Variants in CNTLN observed in about 807,000 individuals in gnomAD.
CNTLN encodes the protein centlein.
CNTLN carries 212 observed loss-of-function variants against 180.0 expected under a neutral mutation model. The observed-to-expected ratio is 1.18, with a 90% CI of 1.05 to 1.32. The LOEUF is 1.32. CNTLN is among the 40% of genes most tolerant of loss of function. CNTLN has a pLI of 0.00. For synonymous variants in CNTLN, 722 were observed against 563.1 expected, an observed-to-expected ratio of 1.28 and a Z score of -3.99; for missense variants, 2,095 against 1,610.9, an observed-to-expected ratio of 1.30 and a Z score of -5.14.
chr9:17,358,615 A>G (rs1823046935), intron 12 of CNTLN, among the ~76,000 whole-genome samples: 1 of 152,166 alleles, frequency 6.6e-6, no homozygotes. Context: ...TAGTTGTTAC[A>G]TTAATGTTGA....
chr9:17,451,019 T>C (rs1029234162), intron 18 of CNTLN, among the ~76,000 whole-genome samples: 3 of 152,182 alleles, frequency 2.0e-5, no homozygotes, highest in East Asian at 1.9e-4. Flanking sequence ...TAGAAAATGA[T>C]AGCATTGTCT....
chr9:17,262,441 T>C (rs1051088055), intron 5 of CNTLN, among the ~76,000 whole-genome samples: 2 of 151,404 alleles, frequency 1.3e-5, no homozygotes, highest in East Asian at 1.9e-4. Context: ...TGGATGAAGA[T>C]GGAAGCTATC....
chr9:17,212,207 T>C (rs1823372139), intron 2 of CNTLN, among the ~76,000 whole-genome samples: 2 of 152,252 alleles, frequency 1.3e-5, no homozygotes, highest in Admixed American at 6.5e-5. Context: ...TAAATAGCTC[T>C]TATTATTTTG....
At chr9:17,253,226 T>A (rs1239124228) in intron 5 of CNTLN, among the ~76,000 whole-genome samples, 1 of 151,806 alleles carries the variant, frequency 6.6e-6, no homozygotes, top group South Asian at 2.1e-4. Context: ...TTGGTTCTTT[T>A]GCTCAGGATT....
intron 14 of CNTLN, among the ~76,000 whole-genome samples, chr9:17,392,932 A>T (rs1180654201): frequency 6.6e-6 from 1 of 152,100 alleles, no homozygotes; most frequent in Non-Finnish European, 1.5e-5. Context: ...TGTATGTTTT[A>T]TCTTGTATAT....
chr9:17,154,943 G>T (rs1023959828), intron 2 of CNTLN, among the ~76,000 whole-genome samples: 3 of 152,142 alleles, frequency 2.0e-5, no homozygotes, highest in Non-Finnish European at 4.4e-5. Flanking sequence ...CTTTGGGTCC[G>T]CACTACCTTT....
intron 5 of CNTLN, among the ~76,000 whole-genome samples, chr9:17,270,996 G>C (rs1038390990): frequency 7.1e-6 from 1 of 140,174 alleles, no homozygotes; most frequent in Non-Finnish European, 1.5e-5. Context: ...TGTCGCCCAG[G>C]CTGGAGTGCA....
intron 14 of CNTLN, among the ~76,000 whole-genome samples, chr9:17,391,301 G>A (rs1826094111): frequency 2.0e-5 from 3 of 152,180 alleles, no homozygotes; most frequent in African/African-American, 7.2e-5. Context: ...GAACTGAGAA[G>A]GGAGAAAGTG....
At chr9:17,480,711 G>A (rs554288056) in intron 23 of CNTLN, among the ~76,000 whole-genome samples, 3 of 152,182 alleles carry the variant, frequency 2.0e-5, no homozygotes, top group African/African-American at 7.2e-5. Context: ...AAAATAAGTG[G>A]CCAAAATTTA....
rs149769639 is a variant in CNTLN at position 17,413,963 on chromosome 9, T to C, written c.2797-1825T>C. On this transcript the variant is annotated intron_variant, in intron 16 of 25. Transcript: ENST00000380647. ...GCTGAAAACTGGGAACAACCAAAAT[T>C]CTCTTCAATAGCTGAACAGCTAAAC... Among the ~76,000 whole-genome samples, 26 of 152,248 alleles carry C rather than the reference T, an allele frequency of 1.7e-4. No homozygotes were observed. In the East Asian group the frequency reaches 5.0e-3, roughly 29 times the overall value.
At chr9:17,515,713 C>T in the CNTLN span, among the ~76,000 whole-genome samples, 1 of 152,290 alleles carries the variant, frequency 6.6e-6, no homozygotes, top group African/African-American at 2.4e-5. Context: ...TGCAACAGCT[C>T]ATCACTGCCT....
At chr9:17,476,021 C>T (rs2441999) in intron 23 of CNTLN, among the ~76,000 whole-genome samples, 136,176 of 152,076 alleles carry the variant, frequency 0.9, 62,078 homozygotes, top group Non-Finnish European at 0.98. Flanking sequence ...AGCAAATCTG[C>T]CAGCTCTATT....
At chr9:17,191,380 A>G (rs1026278544) in intron 2 of CNTLN, among the ~76,000 whole-genome samples, 1 of 152,224 alleles carries the variant, frequency 6.6e-6, no homozygotes, top group Non-Finnish European at 1.5e-5. Flanking sequence ...TGTCCAATAG[A>G]TGTCAAGTAT....
intron 5 of CNTLN, among the ~76,000 whole-genome samples, chr9:17,255,604 A>G (rs919526376): frequency 4.0e-5 from 6 of 151,796 alleles, no homozygotes; most frequent in African/African-American, 1.4e-4. Flanking sequence ...ATCAATATTC[A>G]TCAGATAATT....
chr9:17,255,440 AATGCTTGT>A (rs567110637), intron 5 of CNTLN, among the ~76,000 whole-genome samples: 32 of 145,832 alleles, frequency 2.2e-4, no homozygotes, highest in Middle Eastern at 7.0e-3. Context: ...TATCGAGTGA[AATGCTTGT>A]ATGATTTTTG....
chr9:17,374,914 C>T (rs1482000886), intron 13 of CNTLN, among the ~76,000 whole-genome samples: 1 of 151,662 alleles, frequency 6.6e-6, no homozygotes, highest in Non-Finnish European at 1.5e-5. Flanking sequence ...TATCACACTG[C>T]TAGTTATATA....
intron 8 of CNTLN, among the ~76,000 whole-genome samples, chr9:17,310,361 C>T (rs1819043537): frequency 6.6e-6 from 1 of 152,076 alleles, no homozygotes; most frequent in South Asian, 2.1e-4. Flanking sequence ...AATTTTGACT[C>T]ATCATTATGT....
chr9:17,247,061 T>A (rs1047213832), intron 5 of CNTLN, among the ~76,000 whole-genome samples: 3 of 152,120 alleles, frequency 2.0e-5, no homozygotes. Context: ...GGTACGAGTC[T>A]CTCCTGGAGC....
At chr9:17,378,871 C>T (rs937039897) in intron 13 of CNTLN, among the ~76,000 whole-genome samples, 3 of 152,160 alleles carry the variant, frequency 2.0e-5, no homozygotes, top group Admixed American at 2.0e-4. Flanking sequence ...TCATTCCTTT[C>T]TGTAGATCCA....
Sources: gnomAD v4.1 joint callset for allele counts (sites outside exome capture counted in the v4.1 genomes callset) on GRCh38, gnomAD v4.1.1 for gene constraint, MANE v1.5 for transcripts, NCBI Gene and HGNC (gene_info 2026-07-23, HGNC 2026-07-21) for gene names.